ARHGAP32: variants seen among roughly 807,000 people sequenced by gnomAD.
The protein encoded by ARHGAP32 is rho GTPase-activating protein 32.
In ARHGAP32, 51 loss-of-function variants were observed where a neutral mutation model predicts 186.5. The ratio of observed to expected loss-of-function variants is 0.27; its 90% CI spans 0.22 to 0.35. The LOEUF (loss-of-function observed/expected upper bound fraction) is 0.35. ARHGAP32 is among the 10% of genes least tolerant of loss of function. The pLI is 1.00. For synonymous variants in ARHGAP32, 950 were observed against 964.3 expected, an observed-to-expected ratio of 0.99 and a Z score of 0.27; for missense variants, 2,186 against 2,623.5, an observed-to-expected ratio of 0.83 and a Z score of 3.64.
intron 11 of ARHGAP32, among the ~76,000 whole-genome samples, chr11:128,999,120 G>A (rs1946280295): frequency 1.3e-5 from 2 of 152,176 alleles, no homozygotes; most frequent in Admixed American, 6.5e-5. Flanking sequence ...TTCTCTTCTT[G>A]CAAAAGCGAA....
intron 1 of ARHGAP32, among the ~76,000 whole-genome samples, chr11:129,235,169 T>G (rs1197325445): frequency 1.3e-5 from 2 of 152,184 alleles, no homozygotes; most frequent in Non-Finnish European, 2.9e-5. Flanking sequence ...TTTCGGACTT[T>G]AGCCCTTCGG....
intron 1 of ARHGAP32, among the ~76,000 whole-genome samples, chr11:129,254,027 T>G (rs1331077427): frequency 6.6e-6 from 1 of 152,174 alleles, no homozygotes; most frequent in Non-Finnish European, 1.5e-5. Context: ...AATTACATTA[T>G]AAATGAAATG....
intron 2 of ARHGAP32, among the ~76,000 whole-genome samples, chr11:129,133,974 T>G (rs141251647): frequency 3.3e-5 from 5 of 152,312 alleles, no homozygotes; most frequent in Non-Finnish European, 7.4e-5. Context: ...AACTTTAACA[T>G]AACGATGGTA....
rs1467009393 is a variant in ARHGAP32, at chr11:128,978,791, T to C, written c.2101A>G (p.Met701Val). 3 of 1,611,374 alleles carry C rather than the reference T, an allele frequency of 1.9e-6. No homozygotes were observed. Among genetic ancestry groups the C allele is most frequent in the South Asian group, 1.1e-5 (1 of 90,562 alleles). ...TCACCTTTCAGAGCCATGGCTTTCA[T>C]CTCTGAAGGCTCACTCTCATTCCGC... ...LQRNESEPSE[M>V]KAMALKGGRA... is the part of the protein sequence containing the mutation. Residue 701 changes from methionine to valine, a missense_variant, in exon 19 of 23, where the codon ATG becomes GTG. Physicochemically the swap from Met to Val is conservative, Grantham distance 21. Around this residue, in one of 5 missense-constraint regions of ARHGAP32, gnomAD observed 263 missense variants for 323.5 expected, o/e 0.81. Coordinates refer to ENST00000682385, the MANE Select transcript of ARHGAP32 (RefSeq NM_001378024.1).
chr11:129,137,380 T>G (rs1166372484), intron 2 of ARHGAP32, among the ~76,000 whole-genome samples: 1 of 151,782 alleles, frequency 6.6e-6, no homozygotes, highest in Admixed American at 6.6e-5. Flanking sequence ...TAAAATTAAA[T>G]TAAATTAAAT....
rs2136073768 is a variant in ARHGAP32 at position 128,972,783 on chromosome 11, A to C, written c.3723T>G (p.Pro1241=). 1 of 1,614,024 alleles carries C rather than the reference A, an allele frequency of 6.2e-7. No homozygotes were observed. Among genetic ancestry groups the C allele is most frequent in the Middle Eastern group, 1.7e-4 (1 of 6,060 alleles). ...LGASVDKLHH[P]LEFADKSPTP... is the part of the protein sequence containing the mutation. ...TGGGAGATTTGTCTGCAAATTCTAA[A>C]GGGTGATGGAGTTTATCCACACTTG... The change falls in exon 22 of 23, where the codon CCT becomes CCG. Residue 1241 remains proline (P), a synonymous_variant. Coordinates refer to ENST00000682385, the MANE Select transcript of ARHGAP32 (RefSeq NM_001378024.1).
chr11:128,969,020 G>C lies in ARHGAP32; in HGVS notation c.6193C>G (p.Pro2065Ala). The change falls in exon 23 of 23, where the codon CCT (proline) becomes GCT (alanine). Residue 2065 changes from proline (P) to alanine (A), a missense_variant. Physicochemically the swap from Pro to Ala is conservative, Grantham distance 27. Coordinates refer to ENST00000682385, the MANE Select transcript of ARHGAP32 (RefSeq NM_001378024.1). This position sits in a 1 kb window ranked among gnomAD's most constrained non-coding sequence, Gnocchi z 4.8. ...CTGCTCTGTGGATGGGGAAAGCCAG[G>C]GGGCACATACGTCCCCATGCCGCCC... Reference protein sequence around the residue: ...GGGGMGTYVPPGFPHPQSRTY... With the variant: ...GGGGMGTYVPAGFPHPQSRTY... 1 of 1,611,172 alleles carries C rather than the reference G, an allele frequency of 6.2e-7. No individual in the cohort carries two copies. The highest frequency in any genetic ancestry group is 1.1e-5 in the South Asian group (1 of 90,856).
intron 5 of ARHGAP32, among the ~76,000 whole-genome samples, chr11:129,116,894 A>G (rs569123341): frequency 7.4e-4 from 113 of 152,102 alleles, no homozygotes; most frequent in Non-Finnish European, 1.2e-3. Flanking sequence ...TTTAAAATGT[A>G]CTGCACAATT....
chr11:129,263,003 C>T (rs77638817), intron 1 of ARHGAP32, among the ~76,000 whole-genome samples: 5,461 of 152,152 alleles, frequency 0.036, 314 homozygotes, highest in African/African-American at 0.12. Flanking sequence ...TGGGAAAGGA[C>T]AGTCTTCAAC....
chr11:128,981,969 A>C (rs1945715955), intron 15 of ARHGAP32, 33 bp from the exon 16 acceptor site: 1 of 1,351,270 alleles, frequency 7.4e-7, no homozygotes, highest in South Asian at 1.2e-5. Context: ...TAACAGAAAG[A>C]AACATGATGC....
intron 1 of ARHGAP32, among the ~76,000 whole-genome samples, chr11:129,255,996 C>T (rs1454497551): frequency 1.3e-5 from 2 of 152,074 alleles, no homozygotes; most frequent in African/African-American, 4.8e-5. Context: ...TAATGGAATG[C>T]TATACAGCAA....
intron 1 of ARHGAP32, among the ~76,000 whole-genome samples, chr11:129,224,310 C>A (rs1022933715): frequency 6.6e-6 from 1 of 152,122 alleles, no homozygotes; most frequent in Non-Finnish European, 1.5e-5. Context: ...GTATTAAAAT[C>A]TTGGTAGTTC....
intron 6 of ARHGAP32, among the ~76,000 whole-genome samples, chr11:129,074,984 C>T (rs963100126): frequency 6.6e-6 from 1 of 151,958 alleles, no homozygotes; most frequent in Non-Finnish European, 1.5e-5. Flanking sequence ...ATACACATAT[C>T]AAAATATCAC....
intron 11 of ARHGAP32, among the ~76,000 whole-genome samples, chr11:129,014,616 G>A (rs1479294700): frequency 6.6e-6 from 1 of 152,168 alleles, no homozygotes; most frequent in South Asian, 2.1e-4. Context: ...CAACGTCAAG[G>A]AGACAAAATT....
At chr11:128,973,933 T>C (rs1945468607) in intron 21 of ARHGAP32, 191 bp downstream of exon 21, 2 of 632,406 alleles carry the variant, frequency 3.2e-6, no homozygotes, top group Admixed American at 3.1e-5. Context: ...AGCAGGACCA[T>C]TGGCCCTTTT....
At chr11:129,058,221 A>ACT (rs201254281) in intron 10 of ARHGAP32, among the ~76,000 whole-genome samples, 14 of 111,898 alleles carry the variant, frequency 1.3e-4, no homozygotes, top group East Asian at 7.9e-4. Flanking sequence ...ACACACACAC[A>ACT]CTCTCTCTCT....
At position 129,123,264 on chromosome 11, in the gene ARHGAP32, C is replaced by T. The variant is rs554657404; in HGVS notation, c.444+182G>A. ...TGTGATGGTTACTTTCATATGTCAACGTGACATCAAGTATTTGTCAATAGA... is the reference window on the plus strand; with the variant it reads ...TGTGATGGTTACTTTCATATGTCAATGTGACATCAAGTATTTGTCAATAGA... On this transcript the variant is annotated intron_variant, in intron 5 of 22. Coordinates refer to ENST00000682385, the MANE Select transcript of ARHGAP32 (RefSeq NM_001378024.1). The surrounding 1 kb of genome is among the most constrained non-coding windows in gnomAD (Gnocchi z 4.6). Among the ~76,000 whole-genome samples, 6 of 151,734 alleles carry T rather than the reference C, an allele frequency of 4.0e-5. No homozygotes were observed. The highest frequency in any genetic ancestry group is 1.9e-4 in the East Asian group (1 of 5,164).
intron 5 of ARHGAP32, among the ~76,000 whole-genome samples, chr11:129,111,423 T>A (rs1388658624): frequency 1.3e-5 from 2 of 152,266 alleles, no homozygotes; most frequent in South Asian, 2.1e-4. Context: ...ATAGAATGAG[T>A]TAGGGAGAAT....
chr11:129,214,120 A>G (rs1038973935), intron 1 of ARHGAP32, among the ~76,000 whole-genome samples: 2 of 152,152 alleles, frequency 1.3e-5, no homozygotes, highest in Non-Finnish European at 2.9e-5. Context: ...AAAATCAAGG[A>G]AAGTCTGAGA....
Sources: allele counts gnomAD v4.1 joint callset (sites outside exome capture counted in the v4.1 genomes callset), GRCh38; gene constraint gnomAD v4.1.1; regional missense constraint gnomAD v4.1.1; non-coding constraint Gnocchi (gnomAD v3.1); transcripts MANE v1.5; gene names NCBI Gene and HGNC (gene_info 2026-07-23, HGNC 2026-07-21).